IMPDH1: variants seen among roughly 807,000 people sequenced by gnomAD.
The protein encoded by IMPDH1 is inosine-5'-monophosphate dehydrogenase 1.
In IMPDH1, 41 loss-of-function variants were observed where a neutral mutation model predicts 73.5. The ratio of observed to expected loss-of-function variants is 0.56; its 90% CI spans 0.43 to 0.72. IMPDH1 has a LOEUF of 0.72. Among genes scored for constraint, IMPDH1 ranks in the 30% least tolerant of loss-of-function variants. The pLI is 0.00. For synonymous variants in IMPDH1, 318 were observed against 334.3 expected (o/e 0.95, Z 0.53); for missense variants, 645 against 824.8 (o/e 0.78, Z 2.67).
At chr7:128,397,121 C>T (rs1797976166) in intron 10 of IMPDH1, 99 bp from the exon 11 acceptor site, 1 of 806,318 alleles carries the variant, frequency 1.2e-6, no homozygotes, top group Admixed American at 1.8e-5. Context: ...CCTATGAAAA[C>T]TGTTATGAGA....
chr7:128,400,502 A>G lies in IMPDH1; in HGVS notation c.617T>C (p.Leu206Pro). The change falls in exon 8 of 17, where the codon CTG becomes CCG. Residue 206 changes from leucine (L) to proline (P), a missense_variant. Physicochemically the swap from Leu to Pro is moderately conservative, Grantham distance 98. This residue lies in a region of IMPDH1 where 459 missense variants were observed against 638.2 expected (regional missense o/e 0.72). Transcript: ENST00000338791. ...ATCGCCCACAGTGTGCGAGGGGCTC[A>G]GCACCACAGGGTCCGTGATGAAGCC... ...EQGFITDPVV[L>P]SPSHTVGDVL... The G allele has an allele frequency of 5.0e-6, 8 of 1,612,982 alleles. No individual in the cohort carries two copies. The highest frequency in any genetic ancestry group is 6.8e-6 in the Non-Finnish European group (8 of 1,180,008).
chr7:128,409,780 A>T lies in IMPDH1; in HGVS notation c.122T>A (p.Leu41Gln). The change falls in exon 1 of 17, where the codon CTG becomes CAG. Residue 41 changes from leucine (L) to glutamine (Q), a missense_variant. Physicochemically the swap from Leu to Gln is moderately radical, Grantham distance 113. Transcript: ENST00000338791. ...TAAQRYSARL[L>Q]QAGYEPESPR... Reference sequence around the variant, plus strand: ...CCTCTCGGGCTCGTAGCCGGCCTGCAGCAGTCGGGCGCTGTACCGCTGCGC... The same window carrying T: ...CCTCTCGGGCTCGTAGCCGGCCTGCTGCAGTCGGGCGCTGTACCGCTGCGC... 1 of 1,520,980 alleles carries T rather than the reference A, an allele frequency of 6.6e-7. No individual in the cohort carries two copies. The highest frequency in any genetic ancestry group is 8.8e-7 in the Non-Finnish European group (1 of 1,141,000). 94.2% of individuals were successfully genotyped at this position (1,520,980 alleles called of 1,614,324 possible).
rs764382715 is a variant in IMPDH1 at position 128,400,497 on chromosome 7, G to T, written c.622C>A (p.Pro208Thr). Residue 208 changes from proline to threonine, a missense_variant, in exon 8 of 17, where the codon CCC (proline) becomes ACC (threonine). This residue lies in a region of IMPDH1 where 459 missense variants were observed against 638.2 expected (regional missense o/e 0.72). Transcript: ENST00000338791. ...AGCACATCGCCCACAGTGTGCGAGG[G>T]GCTCAGCACCACAGGGTCCGTGATG... ...GFITDPVVLS[P>T]SHTVGDVLEA... The T allele has an allele frequency of 6.2e-7, 1 of 1,612,920 alleles. No homozygotes were observed. The highest frequency in any genetic ancestry group is 2.2e-5 in the East Asian group (1 of 44,886).
intron 1 of IMPDH1, 56 bp from the exon 2 acceptor site, chr7:128,409,540 C>T: frequency 2.5e-6 from 4 of 1,595,360 alleles, no homozygotes; most frequent in Non-Finnish European, 3.4e-6. Context: ...CTCCCCCGTG[C>T]AACGAAGCAC....
chr7:128,395,921 A>T (rs1161742019), intron 12 of IMPDH1, among the ~76,000 whole-genome samples: 1 of 152,248 alleles, frequency 6.6e-6, no homozygotes, highest in African/African-American at 2.4e-5. Flanking sequence ...AAACCTAAAT[A>T]GCAGAGGCTC....
rs1427160996 is a variant in IMPDH1 at position 128,396,988 on chromosome 7, G to A, written c.1109C>T (p.Ala370Val). The change falls in exon 11 of 17, where the codon GCC becomes GTC. Residue 370 changes from alanine to valine, a missense_variant. By Grantham distance (64) the Ala-to-Val change is moderately conservative. Transcript: ENST00000338791. This position sits in a 1 kb window ranked among gnomAD's most constrained non-coding sequence, Gnocchi z 4.0. ...SSQGNSVYQI[A>V]MVHYIKQKYP... is the part of the protein sequence containing the mutation. ...CTTCTGTTTGATGTAATGCACCATG[G>A]CGATCTGATACACCGAATTCCCTTG... 1 of 1,614,054 alleles carries A rather than the reference G, an allele frequency of 6.2e-7. No homozygotes were observed.
At chr7:128,401,481 C>T (rs1798332889) in intron 5 of IMPDH1, among the ~76,000 whole-genome samples, 1 of 152,114 alleles carries the variant, frequency 6.6e-6, no homozygotes, top group African/African-American at 2.4e-5. Flanking sequence ...TGCAAACCCG[C>T]CTCAGGGTCC....
Position 128,395,122 on chromosome 7 carries a change from TC to T in IMPDH1, c.1405+8del. On this transcript the variant is annotated splice_region_variant and intron_variant, in intron 13 of 16. Coordinates refer to ENST00000338791, the MANE Select transcript of IMPDH1 (RefSeq NM_000883.4). ...CGCCTGCCCAATCCCCAGCACATTC[TC>T]CCCTCACCTGTGGAGGCTCCAAGGG... 1 of 1,613,780 alleles carries T rather than the reference TC, an allele frequency of 6.2e-7. No individual in the cohort carries two copies. The highest frequency in any genetic ancestry group is 8.5e-7 in the Non-Finnish European group (1 of 1,179,966).
At chr7:128,400,966 T>C (rs1030084319) in intron 6 of IMPDH1, 49 bp downstream of exon 6, 6 of 1,596,614 alleles carry the variant, frequency 3.8e-6, no homozygotes, top group South Asian at 1.1e-5. Flanking sequence ...CAGCCCACCA[T>C]GGTCAGTTCC....
chr7:128,396,741 C>T lies in IMPDH1; in HGVS notation c.1166-46G>A. ...GAGGAACAATGTGAGGATGGGATGC[C>T]CCTGCCTGCCCAACAGCCTCTTGGG... On this transcript the variant is annotated intron_variant, in intron 11 of 16. Transcript: ENST00000338791. The surrounding 1 kb of genome is among the most constrained non-coding windows in gnomAD (Gnocchi z 4.0). The T allele has an allele frequency of 2.0e-6, 3 of 1,477,326 alleles. No individual in the cohort carries two copies. The highest frequency in any genetic ancestry group is 2.8e-6 in the Non-Finnish European group (3 of 1,080,246). The allele number at this position is 1,477,326 out of a possible 1,614,324, so 91.5% of individuals were successfully genotyped here.
In IMPDH1 at chr7:128,392,578, T is replaced by C. The variant is rs1797608148; in HGVS notation, c.*429A>G. ...AGGTCAGGAGCTCAGAAGTGCCACA[T>C]GGCTGAGGGGCAGCGGCCCGGGAAG... On this transcript the variant is annotated 3_prime_UTR_variant, in exon 17 of 17. Coordinates refer to ENST00000338791, the MANE Select transcript of IMPDH1 (RefSeq NM_000883.4). 9.9e-6 allele frequency: 2 copies of C among 203,000 alleles called. No homozygotes were observed. The highest frequency in any genetic ancestry group is 2.0e-5 in the Non-Finnish European group (2 of 98,770). 12.6% of individuals were successfully genotyped at this position (203,000 alleles called of 1,614,324 possible). A position where few individuals can be genotyped will look rare whatever the true frequency, so the allele number is the denominator to read the frequency against.
rs559790133 is a variant in IMPDH1, at chr7:128,404,192, G to T, written c.354-438C>A. ...GTGGCGCTCAACACAGTATGAACAT[G>T]ACCCAGCACAGGACAGTCCGCATGC... is the stretch of plus-strand genomic sequence containing the variant. On this transcript the variant is annotated intron_variant, in intron 4 of 16. Coordinates refer to ENST00000338791, the MANE Select transcript of IMPDH1 (RefSeq NM_000883.4). Among the ~76,000 whole-genome samples, 3 of 152,350 alleles carry T rather than the reference G, an allele frequency of 2.0e-5. No homozygotes were observed. In the South Asian group the frequency reaches 6.2e-4, roughly 32 times the overall value.
chr7:128,405,513 T>C (rs1237034545), intron 4 of IMPDH1, among the ~76,000 whole-genome samples: 1 of 151,954 alleles, frequency 6.6e-6, no homozygotes, highest in Non-Finnish European at 1.5e-5. Context: ...TCCATGCCGC[T>C]GAGAGGAGGA....
rs767620775 is a variant in IMPDH1, at chr7:128,400,889, C to T, written c.507G>A (p.Leu169=). 8.7e-6 allele frequency: 14 copies of T among 1,613,908 alleles called. No individual in the cohort carries two copies. The highest frequency in any genetic ancestry group is 1.3e-5 in the African/African-American group (1 of 74,936). The change falls in exon 7 of 17, where the codon CTG becomes CTA. Residue 169 remains leucine (L), a splice_region_variant and synonymous_variant. Transcript: ENST00000338791. ...GGTGAATGAAACCAATACCTCCCATCAGCTGATGTAGAAGGGAAGTGTGGT... is the reference window on the plus strand; with the variant it reads ...GGTGAATGAAACCAATACCTCCCATTAGCTGATGTAGAAGGGAAGTGTGGT... ...TEADMAIAMA[L]MGGIGFIHHN... is the part of the protein sequence containing the mutation.
chr7:128,399,248 C>T (rs577345302), intron 9 of IMPDH1, among the ~76,000 whole-genome samples: 2 of 151,248 alleles, frequency 1.3e-5, no homozygotes, highest in South Asian at 4.2e-4. Context: ...TGCCTGTTGT[C>T]CCAACTACTC....
At position 128,409,434 on chromosome 7, in the gene IMPDH1, G is replaced by A. The variant is rs756962947; in HGVS notation, c.190+7C>T. The A allele has an allele frequency of 6.2e-7, 1 of 1,614,218 alleles. No individual in the cohort carries two copies. The highest frequency in any genetic ancestry group is 1.1e-5 in the South Asian group (1 of 91,090). On this transcript the variant is annotated splice_region_variant and intron_variant, in intron 2 of 16. Coordinates refer to ENST00000338791, the MANE Select transcript of IMPDH1 (RefSeq NM_000883.4). The stretch of plus-strand genomic sequence containing the variant: ...AGCACTGTTTGAACCCCAGGAGTTG[G>A]AGCCACCTGAACGGGGTGTCGTCGG...
At chr7:128,405,429 C>A (rs1798646763) in intron 4 of IMPDH1, among the ~76,000 whole-genome samples, 1 of 152,184 alleles carries the variant, frequency 6.6e-6, no homozygotes, top group Non-Finnish European at 1.5e-5. Flanking sequence ...TGGGAGGGGG[C>A]GTCCTGGACC....
intron 4 of IMPDH1, 139 bp downstream of exon 4, chr7:128,405,628 C>T (rs1798668116): frequency 7.8e-7 from 1 of 1,281,764 alleles, no homozygotes; most frequent in Non-Finnish European, 1.0e-6. Context: ...CTCCTTCCTT[C>T]CCGTGCCCAG....
Position 128,405,823 on chromosome 7 carries a change from G to T in IMPDH1, c.297C>A (p.Pro99=), listed in dbSNP as rs1415042353. Residue 99 remains proline, a synonymous_variant, in exon 4 of 17, where the codon CCC becomes CCA. Transcript: ENST00000338791. The part of the protein sequence containing the change: ...YLISGGTGYV[P]EDGLTAQQLF... ...GCTGCTGCGCGGTGAGCCCATCCTCGGGCACGTAGCCGGTGCCGCCGCTGA... is the reference window on the plus strand; with the variant it reads ...GCTGCTGCGCGGTGAGCCCATCCTCTGGCACGTAGCCGGTGCCGCCGCTGA... 14 of 1,541,230 alleles carry T rather than the reference G, an allele frequency of 9.1e-6. No individual in the cohort carries two copies. Among genetic ancestry groups the T allele is most frequent in the Non-Finnish European group, 1.2e-5 (14 of 1,145,476 alleles).
Sources: allele counts gnomAD v4.1 joint callset (sites outside exome capture counted in the v4.1 genomes callset), GRCh38; gene constraint gnomAD v4.1.1; regional missense constraint gnomAD v4.1.1; non-coding constraint Gnocchi (gnomAD v3.1); transcripts MANE v1.5; gene names NCBI Gene and HGNC (gene_info 2026-07-23, HGNC 2026-07-21).